Variants in SUN1 observed in about 807,000 individuals in gnomAD.
The protein encoded by SUN1 is Sad1 and UNC84 domain containing 1.
A neutral mutation model predicts 103.2 loss-of-function variants in SUN1; 61 were observed. The observed-to-expected ratio is 0.59, with a 90% CI of 0.48 to 0.73. The LOEUF (loss-of-function observed/expected upper bound fraction) is 0.73. SUN1 is among the 30% of genes least tolerant of loss of function. The pLI, the probability that SUN1 is intolerant of heterozygous loss-of-function variation, is 0.00. For missense variants in SUN1, 1,052 were observed against 1,034.6 expected, an observed-to-expected ratio of 1.02 and a Z score of -0.23; for synonymous variants, 490 against 425.7, an observed-to-expected ratio of 1.15 and a Z score of -1.86.
At chr7:834,789 T>G (rs1801377919) in intron 1 of SUN1, among the ~76,000 whole-genome samples, 1 of 152,122 alleles carries the variant, frequency 6.6e-6, no homozygotes, top group Admixed American at 6.6e-5. Context: ...TTTTTCTCTT[T>G]TGGGGGCCAG....
At chr7:855,850 C>T (rs1000600741) in intron 11 of SUN1, among the ~76,000 whole-genome samples, 2 of 146,564 alleles carry the variant, frequency 1.4e-5, no homozygotes, top group Non-Finnish European at 3.0e-5. Flanking sequence ...CAAGAGGGTC[C>T]GCGGGGCGCC....
At chr7:846,615 C>G (rs1447087594) in intron 5 of SUN1, among the ~76,000 whole-genome samples, 1 of 152,120 alleles carries the variant, frequency 6.6e-6, no homozygotes, top group South Asian at 2.1e-4. Context: ...TGGCTCATGC[C>G]TGTAATCCCA....
chr7:859,805 G>C (rs193044182), intron 13 of SUN1, among the ~76,000 whole-genome samples: 2 of 152,322 alleles, frequency 1.3e-5, no homozygotes, highest in Non-Finnish European at 2.9e-5. Flanking sequence ...ATGCACCTGT[G>C]CGCCTCGCTG....
At position 838,938 on chromosome 7, in the gene SUN1, C is replaced by G. The variant is rs756364697; in HGVS notation, c.218C>G (p.Ala73Gly). The G allele has an allele frequency of 6.2e-6, 10 of 1,609,102 alleles. No homozygotes were observed. In the South Asian group the frequency reaches 1.1e-4, roughly 18 times the overall value. The change falls in exon 2 of 19, where the codon GCC (alanine) becomes GGC (glycine). Residue 73 changes from alanine to glycine, a missense_variant. Physicochemically the swap from Ala to Gly is moderately conservative, Grantham distance 60 (BLOSUM62 0). Coordinates refer to ENST00000401592, the MANE Select transcript of SUN1 (RefSeq NM_001130965.3). ...CTLGDGEAVGADSGTSSAVSL... is the reference protein window; with the variant it reads ...CTLGDGEAVGGDSGTSSAVSL... ...CTGGGGGATGGTGAGGCTGTGGGTG[C>G]CGACAGCGGCACCAGCAGCGCTGTC...
At chr7:831,531 A>G (rs1419825428), upstream of SUN1, among the ~76,000 whole-genome samples, 2 of 152,172 alleles carry the variant, frequency 1.3e-5, no homozygotes, top group East Asian at 1.9e-4. Flanking sequence ...CGGCCTCCCA[A>G]AGTGCTGGGA....
intron 15 of SUN1, among the ~76,000 whole-genome samples, chr7:863,058 C>T (rs1341261846): frequency 6.6e-6 from 1 of 152,190 alleles, no homozygotes; most frequent in Non-Finnish European, 1.5e-5. Flanking sequence ...AGGAGAATGG[C>T]GTGAACCCGG....
intron 1 of SUN1, 117 bp downstream of exon 1, chr7:832,718 T>TG: frequency 3.8e-6 from 3 of 786,670 alleles, no homozygotes; most frequent in African/African-American, 1.7e-5. Flanking sequence ...ATTTTGAAGG[T>TG]GAAAAAAAAT....
At chr7:829,073 G>A (rs908387840), upstream of SUN1, among the ~76,000 whole-genome samples, 1 of 152,246 alleles carries the variant, frequency 6.6e-6, no homozygotes, top group African/African-American at 2.4e-5. Context: ...GCCAGCAGGA[G>A]CATCACGCCT....
Position 873,211 on chromosome 7 carries a change from T to G in SUN1, c.2242-4T>G. 6.2e-7 allele frequency: 1 copy of G among 1,614,136 alleles called. No homozygotes were observed. On this transcript the variant is annotated splice_polypyrimidine_tract_variant and splice_region_variant and intron_variant, in intron 18 of 18. Coordinates refer to ENST00000401592, the MANE Select transcript of SUN1 (RefSeq NM_001130965.3). The stretch of plus-strand genomic sequence containing the variant: ...TGTGTGTGTTTTTCCCACCTTGATT[T>G]CAGAAAAGACCCGACGACACAGCTT...
chr7:854,909 T>G lies in SUN1; in HGVS notation c.1264-11T>G. On this transcript the variant is annotated splice_polypyrimidine_tract_variant and intron_variant, in intron 10 of 18. Transcript: ENST00000401592. ...TTCTCCATCATTTGTTCACTCCTTC[T>G]CTTTCCTAAGACTGACTTTATGGCC... 3 of 1,605,632 alleles carry G rather than the reference T, an allele frequency of 1.9e-6. No individual in the cohort carries two copies. Among genetic ancestry groups the G allele is most frequent in the Non-Finnish European group, 1.7e-6 (2 of 1,175,190 alleles).
intron 1 of SUN1, among the ~76,000 whole-genome samples, chr7:836,340 T>C (rs769882966): frequency 3.3e-5 from 5 of 152,098 alleles, no homozygotes; most frequent in Non-Finnish European, 7.4e-5. Context: ...GGGTAGAACA[T>C]GAGTAAACGT....
At chr7:822,914 C>T (rs1367779812) in intron 1 of SUN1, among the ~76,000 whole-genome samples, 1 of 151,822 alleles carries the variant, frequency 6.6e-6, no homozygotes, top group African/African-American at 2.4e-5. Flanking sequence ...CTGTGGCCAC[C>T]CGTGAATTCC....
intron 5 of SUN1, among the ~76,000 whole-genome samples, chr7:845,445 A>G (rs551386115): frequency 6.6e-6 from 1 of 152,308 alleles, no homozygotes; most frequent in South Asian, 2.1e-4. Context: ...ACACTAGTGT[A>G]TCGCCCTGTA....
chr7:841,915 C>T, intron 2 of SUN1, 31 bp from the exon 3 acceptor site: 1 of 1,607,534 alleles, frequency 6.2e-7, no homozygotes, highest in East Asian at 2.2e-5. Context: ...TAGAAAAGAT[C>T]TATAAACTTG....
At position 842,785 on chromosome 7, in the gene SUN1, A is replaced by C. The variant is rs535145782; in HGVS notation, c.452-421A>C. ...AAGATCCAGATTAGTTCCAGAGATCACATGTGCTAATTTTGGGAAGCCTTG... is the reference window on the plus strand; with the variant it reads ...AAGATCCAGATTAGTTCCAGAGATCCCATGTGCTAATTTTGGGAAGCCTTG... On this transcript the variant is annotated intron_variant, in intron 3 of 18. Transcript: ENST00000401592. The C allele has an allele frequency of 1.1e-5, 3 of 263,980 alleles. No homozygotes were observed. In the Admixed American group the frequency reaches 1.5e-4, roughly 13 times the overall value. 16.4% of individuals were successfully genotyped at this position (263,980 alleles called of 1,614,324 possible).
At chr7:834,203 C>A (rs1404315242) in intron 1 of SUN1, among the ~76,000 whole-genome samples, 2 of 150,348 alleles carry the variant, frequency 1.3e-5, no homozygotes, top group African/African-American at 4.9e-5. Flanking sequence ...AATTTAGACT[C>A]TTGGTGGGCA....
At chr7:843,008 A>T in intron 3 of SUN1, 198 bp from the exon 4 acceptor site, 1 of 754,402 alleles carries the variant, frequency 1.3e-6, no homozygotes, top group Non-Finnish European at 2.2e-6. Flanking sequence ...TATTTTCTTC[A>T]AGGATAAGCT....
chr7:843,092 T>C (rs1307871864), intron 3 of SUN1, 114 bp from the exon 4 acceptor site: 9 of 1,455,250 alleles, frequency 6.2e-6, no homozygotes, highest in African/African-American at 1.4e-5. Context: ...ACCAGTGCCA[T>C]AATGCTGATT....
At chr7:854,563 G>A (rs948447213) in intron 10 of SUN1, among the ~76,000 whole-genome samples, 5 of 152,226 alleles carry the variant, frequency 3.3e-5, no homozygotes, top group East Asian at 1.9e-4. Flanking sequence ...TGCTGGAGAC[G>A]GCGAGGGCCT....
Sources: gnomAD v4.1 joint callset for allele counts (sites outside exome capture counted in the v4.1 genomes callset) on GRCh38, gnomAD v4.1.1 for gene constraint, MANE v1.5 for transcripts, NCBI Gene and HGNC (gene_info 2026-07-23, HGNC 2026-07-21) for gene names.